NAV2: variants seen among roughly 807,000 people sequenced by gnomAD.
NAV2 encodes helicase, APC down-regulated 1.
NAV2 carries 54 observed loss-of-function variants against 223.2 expected under a neutral mutation model. The ratio of observed to expected loss-of-function variants is 0.24; its 90% CI spans 0.19 to 0.30. NAV2 has a LOEUF of 0.30. NAV2 is among the 10% of genes least tolerant of loss of function. NAV2 has a pLI of 1.00. For synonymous variants in NAV2, 1,279 were observed against 1,239.3 expected (o/e 1.03, Z -0.67); for missense variants, 2,806 against 3,147.5 (o/e 0.89, Z 2.60).
At chr11:19,699,563 C>A (rs184472643) in intron 1 of NAV2, among the ~76,000 whole-genome samples, 1 of 152,164 alleles carries the variant, frequency 6.6e-6, no homozygotes, top group Non-Finnish European at 1.5e-5. Context: ...TTGCCTTGGG[C>A]ACCTCGTATA....
Position 20,049,023 on chromosome 11 carries a change from G to A in NAV2, c.4198G>A (p.Gly1400Ser), listed in dbSNP as rs1392198424. 3.1e-6 allele frequency: 5 copies of A among 1,614,078 alleles called. No homozygotes were observed. The highest frequency in any genetic ancestry group is 3.4e-6 in the Non-Finnish European group (4 of 1,180,028). The change falls in exon 15 of 38, where the codon GGC (glycine) becomes AGC (serine). Residue 1400 changes from glycine to serine, a missense_variant. Around this residue, in one of 4 missense-constraint regions of NAV2, gnomAD observed 742 missense variants for 777.9 expected, o/e 0.95. Transcript: ENST00000349880. The stretch of plus-strand genomic sequence containing the variant: ...CTCCGCAGTTAGCAAGGATGGCCTG[G>A]GCTTTCAGTCTGTCAGCAGCCTCCA... The part of the protein sequence containing the change: ...SSSAVSKDGL[G>S]FQSVSSLHTS...
At chr11:20,055,710 C>A in intron 18 of NAV2, 59 bp from the exon 19 acceptor site, 4 of 1,484,120 alleles carry the variant, frequency 2.7e-6, no homozygotes, top group Non-Finnish European at 3.7e-6. Flanking sequence ...TTGTCCCCAA[C>A]CAGGATTTGA....
intron 1 of NAV2, among the ~76,000 whole-genome samples, chr11:19,661,382 C>T (rs933480026): frequency 6.6e-6 from 1 of 152,112 alleles, no homozygotes; most frequent in Non-Finnish European, 1.5e-5. Context: ...TATATTTTGG[C>T]TATTGTCAGA....
At chr11:19,831,223 CGGGG>C (rs56829857) in intron 1 of NAV2, among the ~76,000 whole-genome samples, 1 of 870 alleles carries the variant, frequency 1.1e-3, no homozygotes, top group Non-Finnish European at 2.7e-3. Flanking sequence ...AGGAGTGTTG[CGGGG>C]GGGGGGGGGG....
intron 3 of NAV2, among the ~76,000 whole-genome samples, chr11:19,863,027 A>G (rs1220889194): frequency 1.3e-5 from 2 of 152,120 alleles, no homozygotes; most frequent in African/African-American, 4.8e-5. Context: ...AAATGTTGAT[A>G]TCTGCCTCCC....
intron 1 of NAV2, among the ~76,000 whole-genome samples, chr11:19,473,284 G>T (rs1246590463): frequency 2.0e-5 from 3 of 151,992 alleles, no homozygotes; most frequent in Non-Finnish European, 4.4e-5. Context: ...GTCAGACATA[G>T]GCTCAGGCTT....
At chr11:20,081,598 CTTCTGT>C (rs1200104110) in intron 25 of NAV2, among the ~76,000 whole-genome samples, 1 of 152,110 alleles carries the variant, frequency 6.6e-6, no homozygotes, top group African/African-American at 2.4e-5. Context: ...GTCCCTAATC[CTTCTGT>C]TTCTGTGACT....
intron 1 of NAV2, among the ~76,000 whole-genome samples, chr11:19,677,535 G>T (rs956648909): frequency 6.6e-6 from 1 of 152,252 alleles, no homozygotes; most frequent in Non-Finnish European, 1.5e-5. Context: ...CAGCTTGTCA[G>T]TCATAGACTT....
intron 1 of NAV2, among the ~76,000 whole-genome samples, chr11:19,737,553 A>T (rs773886358): frequency 1.3e-5 from 2 of 152,230 alleles, no homozygotes; most frequent in Non-Finnish European, 2.9e-5. Flanking sequence ...GCAATCACAG[A>T]CTTGGGATCA....
intron 1 of NAV2, among the ~76,000 whole-genome samples, chr11:19,401,481 T>C (rs969615085): frequency 2.0e-5 from 3 of 152,224 alleles, no homozygotes; most frequent in African/African-American, 7.2e-5. Flanking sequence ...GGCACATTTA[T>C]GAAATCACAA....
chr11:19,887,132 G>C (rs2041071084), intron 5 of NAV2, among the ~76,000 whole-genome samples: 1 of 152,142 alleles, frequency 6.6e-6, no homozygotes, highest in South Asian at 2.1e-4. Flanking sequence ...TGGAGCTCTG[G>C]AAATAGGTCT....
At chr11:19,560,991 G>A (rs892422578) in intron 1 of NAV2, among the ~76,000 whole-genome samples, 3 of 152,222 alleles carry the variant, frequency 2.0e-5, no homozygotes, top group African/African-American at 4.8e-5. Flanking sequence ...GGGCAGGAAA[G>A]GATATATGTG....
intron 1 of NAV2, among the ~76,000 whole-genome samples, chr11:19,548,810 G>A (rs932338018): frequency 1.3e-5 from 2 of 150,368 alleles, no homozygotes; most frequent in African/African-American, 2.5e-5. Flanking sequence ...CCCGGAAGGC[G>A]GAGCTTGCAG....
rs549539737 is a variant in NAV2, at chr11:19,577,399, A to G, written c.75+226372A>G. 8.5e-5 allele frequency among the ~76,000 whole-genome samples: 13 copies of G among 152,318 alleles called. 1 individual carries two copies. In the East Asian group the frequency reaches 2.5e-3, roughly 29 times the overall value. ...TTCTAAGGCTGGGTGAAATACCACA[A>G]GGGTAGGGCCGCTGACAGGGAAGAT... is the stretch of plus-strand genomic sequence containing the variant. On this transcript the variant is annotated intron_variant, in intron 1 of 37. Transcript: ENST00000360655.
chr11:19,639,407 C>A (rs146630600), intron 1 of NAV2, among the ~76,000 whole-genome samples: 11 of 152,344 alleles, frequency 7.2e-5, no homozygotes, highest in Non-Finnish European at 1.6e-4. Flanking sequence ...CCACCACCAT[C>A]ACCATAACTA....
chr11:19,576,616 T>C (rs1178791555), intron 1 of NAV2, among the ~76,000 whole-genome samples: 1 of 152,236 alleles, frequency 6.6e-6, no homozygotes, highest in East Asian at 1.9e-4. Flanking sequence ...AACTTGTATA[T>C]ATTTAGCTTG....
chr11:19,867,678 T>A (rs1490849369), intron 3 of NAV2, among the ~76,000 whole-genome samples: 1 of 152,238 alleles, frequency 6.6e-6, no homozygotes, highest in Non-Finnish European at 1.5e-5. Context: ...TGGGAACCTA[T>A]GCTAAAAATG....
chr11:20,039,513 T>A (rs1029495206), intron 12 of NAV2, among the ~76,000 whole-genome samples: 5 of 151,888 alleles, frequency 3.3e-5, no homozygotes, highest in Admixed American at 6.6e-5. Flanking sequence ...CCAGCCTCCA[T>A]TCATGGCAGT....
At chr11:19,386,025 A>G (rs1849030861) in intron 1 of NAV2, among the ~76,000 whole-genome samples, 1 of 152,166 alleles carries the variant, frequency 6.6e-6, no homozygotes, top group Non-Finnish European at 1.5e-5. Flanking sequence ...TGGCCTCCCA[A>G]AGTGCTGGGA....
Sources: allele counts gnomAD v4.1 joint callset (sites outside exome capture counted in the v4.1 genomes callset), GRCh38; gene constraint gnomAD v4.1.1; regional missense constraint gnomAD v4.1.1; transcripts MANE v1.5; gene names NCBI Gene and HGNC (gene_info 2026-07-23, HGNC 2026-07-21).